The following FBXL17 variants were observed in gnomAD, a reference collection of about 807,000 sequenced individuals.
The protein encoded by FBXL17 is F-box/LRR-repeat protein 17.
A neutral mutation model predicts 66.2 loss-of-function variants in FBXL17; 22 were observed. That is an observed-to-expected ratio of 0.33 (90% CI 0.24 to 0.47). The LOEUF (loss-of-function observed/expected upper bound fraction) is 0.47, where lower values mean the gene tolerates loss of function less well. FBXL17 is among the 20% of genes least tolerant of loss of function. The pLI, the probability that FBXL17 is intolerant of heterozygous loss-of-function variation, is 1.00. For missense variants in FBXL17, 878 were observed against 948.2 expected (o/e 0.93, Z 0.97); for synonymous variants, 474 against 400.5 (o/e 1.18, Z -2.19).
intron 5 of FBXL17, among the ~76,000 whole-genome samples, chr5:108,206,462 AT>A (rs1754123147): frequency 1.3e-5 from 2 of 152,124 alleles, no homozygotes; most frequent in Admixed American, 6.6e-5. Context: ...ACCATGAAAT[AT>A]TTACCACAAC....
Position 108,380,799 on chromosome 5 carries a change from G to A in FBXL17, c.893C>T (p.Ala298Val). ...SAQQQHECGD[A>V]DCRESPENPC... The stretch of plus-strand genomic sequence containing the variant: ...GTTTTCGGGGGACTCCCGACAGTCC[G>A]CGTCGCCACATTCATGCTGCTGCTG... The change falls in exon 1 of 9, where the codon GCG becomes GTG. Residue 298 changes from alanine (A) to valine (V), a missense_variant. Transcript: ENST00000542267. 1 of 1,248,166 alleles carries A rather than the reference G, an allele frequency of 8.0e-7. No homozygotes were observed. Among genetic ancestry groups the A allele is most frequent in the Admixed American group, 4.2e-5 (1 of 23,732 alleles). 77.3% of individuals were successfully genotyped at this position (1,248,166 alleles called of 1,614,324 possible). A position where few individuals can be genotyped will look rare whatever the true frequency, so the allele number is the denominator to read the frequency against.
At chr5:108,291,310 T>C (rs188768678) in intron 4 of FBXL17, among the ~76,000 whole-genome samples, 1 of 152,294 alleles carries the variant, frequency 6.6e-6, no homozygotes, top group Non-Finnish European at 1.5e-5. Flanking sequence ...GTTGGAGGCA[T>C]GCTAAAAAGT....
intron 8 of FBXL17, chr5:107,879,067 C>A (rs1441677769): frequency 2.0e-6 from 2 of 985,270 alleles, no homozygotes; most frequent in Non-Finnish European, 2.4e-6. Context: ...CATTTCTTAA[C>A]TAAAAATCAG....
At chr5:108,315,865 C>T (rs1473684219) in intron 4 of FBXL17, among the ~76,000 whole-genome samples, 1 of 151,356 alleles carries the variant, frequency 6.6e-6, no homozygotes, top group African/African-American at 2.4e-5. Flanking sequence ...TACTTCAGAA[C>T]TGATAATGTT....
chr5:108,102,610 G>A (rs1288715216), intron 6 of FBXL17, among the ~76,000 whole-genome samples: 1 of 152,072 alleles, frequency 6.6e-6, no homozygotes, highest in Non-Finnish European at 1.5e-5. Flanking sequence ...TGGTCAGAAG[G>A]GCTCCAGACC....
At chr5:108,182,637 A>T (rs1753049285) in intron 6 of FBXL17, among the ~76,000 whole-genome samples, 1 of 152,204 alleles carries the variant, frequency 6.6e-6, no homozygotes. Context: ...TTTCTTGCAA[A>T]TAAATCTCTA....
intron 6 of FBXL17, among the ~76,000 whole-genome samples, chr5:108,051,026 G>C (rs1747450767): frequency 6.6e-6 from 1 of 152,118 alleles, no homozygotes; most frequent in South Asian, 2.1e-4. Context: ...ACCTTCCAAA[G>C]ACTAAACCAA....
At chr5:108,329,683 A>G (rs539160558) in intron 4 of FBXL17, among the ~76,000 whole-genome samples, 1 of 152,306 alleles carries the variant, frequency 6.6e-6, no homozygotes, top group South Asian at 2.1e-4. Context: ...ACCACATTAT[A>G]TACTATAAAA....
At chr5:108,070,267 T>C (rs139318797) in intron 6 of FBXL17, among the ~76,000 whole-genome samples, 32 of 152,152 alleles carry the variant, frequency 2.1e-4, no homozygotes, top group African/African-American at 6.7e-4. Context: ...TCCTTCAGGA[T>C]TGCATTAATC....
chr5:108,265,081 TAA>T (rs546424749), intron 4 of FBXL17, among the ~76,000 whole-genome samples: 21 of 152,226 alleles, frequency 1.4e-4, no homozygotes, highest in African/African-American at 4.8e-4. Flanking sequence ...GAATAATTTA[TAA>T]GTTTTGCTTT....
intron 4 of FBXL17, among the ~76,000 whole-genome samples, chr5:108,303,007 A>C (rs1758662115): frequency 6.6e-6 from 1 of 151,920 alleles, no homozygotes; most frequent in Admixed American, 6.6e-5. Flanking sequence ...CTGGACATGA[A>C]ATTATATAGT....
chr5:107,888,987 A>T (rs555601442), intron 7 of FBXL17, among the ~76,000 whole-genome samples: 2 of 152,240 alleles, frequency 1.3e-5, no homozygotes, highest in Middle Eastern at 6.8e-3. Context: ...TTTCCCTTGC[A>T]TTCTTGGTAC....
rs77733205 is a variant in FBXL17 at position 108,202,285 on chromosome 5, T to A, written c.1615-16038A>T. ...AGTGTGATACTGATACCTATTACCATTGAAGTTGCTGAAATGAAAATGTAG... is the reference window on the plus strand; with the variant it reads ...AGTGTGATACTGATACCTATTACCAATGAAGTTGCTGAAATGAAAATGTAG... On this transcript the variant is annotated intron_variant, in intron 5 of 8. Transcript: ENST00000542267. 6.2e-4 allele frequency among the ~76,000 whole-genome samples: 94 copies of A among 152,280 alleles called. 1 individual carries two copies. In the East Asian group the frequency reaches 0.01, roughly 17 times the overall value.
chr5:108,011,920 G>T (rs1580325848), intron 7 of FBXL17, among the ~76,000 whole-genome samples: 1 of 152,234 alleles, frequency 6.6e-6, no homozygotes, highest in East Asian at 1.9e-4. Context: ...AGGAATTCAA[G>T]AAAGCAATTG....
intron 7 of FBXL17, among the ~76,000 whole-genome samples, chr5:107,929,109 C>T (rs958579674): frequency 2.0e-5 from 3 of 152,098 alleles, no homozygotes; most frequent in Admixed American, 6.6e-5. Context: ...AGGAACTTGC[C>T]ATATTGGTGG....
At chr5:108,136,540 A>G (rs562444473) in intron 6 of FBXL17, among the ~76,000 whole-genome samples, 1 of 152,334 alleles carries the variant, frequency 6.6e-6, no homozygotes, top group East Asian at 1.9e-4. Context: ...ACTACAGTCA[A>G]AGAAATAGCT....
intron 6 of FBXL17, among the ~76,000 whole-genome samples, chr5:108,182,138 C>T (rs1330370858): frequency 6.6e-6 from 1 of 152,158 alleles, no homozygotes; most frequent in East Asian, 1.9e-4. Flanking sequence ...CCTTTGAGAA[C>T]AGCAGGAACT....
intron 7 of FBXL17, among the ~76,000 whole-genome samples, chr5:107,952,264 T>C (rs1477043543): frequency 6.6e-6 from 1 of 152,224 alleles, no homozygotes; most frequent in Non-Finnish European, 1.5e-5. Context: ...CTATGGTTTA[T>C]TTCCCTTGAC....
rs149341665 is a variant in FBXL17 at position 108,042,399 on chromosome 5, A to G, written c.1746-21398T>C. Among the ~76,000 whole-genome samples the G allele has an allele frequency of 5.1e-3, 773 of 152,216 alleles. 8 individuals are homozygous for G. The highest frequency in any genetic ancestry group is 0.018 in the African/African-American group (741 of 41,544). On this transcript the variant is annotated intron_variant, in intron 6 of 8. Transcript: ENST00000542267. Reference sequence around the variant, plus strand: ...AGGATTCTTCATGGTGTCCTTCTATATCCCACCCATTTTCCTCCCACCCCT... The same window carrying G: ...AGGATTCTTCATGGTGTCCTTCTATGTCCCACCCATTTTCCTCCCACCCCT...
Sources: allele counts gnomAD v4.1 joint callset (sites outside exome capture counted in the v4.1 genomes callset), GRCh38; gene constraint gnomAD v4.1.1; transcripts MANE v1.5; gene names NCBI Gene and HGNC (gene_info 2026-07-23, HGNC 2026-07-21).